IKZF4: variants seen among roughly 807,000 people sequenced by gnomAD.
The protein encoded by IKZF4 is zinc finger protein Eos.
IKZF4 carries 11 observed loss-of-function variants against 47.7 expected under a neutral mutation model. The observed-to-expected ratio is 0.23, with a 90% CI of 0.15 to 0.38. The LOEUF (loss-of-function observed/expected upper bound fraction) is 0.38, where lower values mean the gene tolerates loss of function less well. Ranked by LOEUF, IKZF4 falls within the 10% of genes least tolerant of loss-of-function variation. IKZF4 has a pLI of 1.00. For synonymous variants in IKZF4, 298 were observed against 299.4 expected (o/e 1.00, Z 0.05); for missense variants, 557 against 784.9 (o/e 0.71, Z 3.47).
chr12:56,009,241 C>T (rs368988053), intron 1 of IKZF4, among the ~76,000 whole-genome samples: 1 of 152,138 alleles, frequency 6.6e-6, no homozygotes, highest in African/African-American at 2.4e-5. Context: ...CTCACTTTGC[C>T]TGGGTGAAGA....
rs905554114 is a variant in IKZF4, at chr12:56,026,776, C to G, written c.287-5C>G. ...CTCTATTCTAAACACCATCCCACCC[C>G]TCAGCCAACTCCATCAAGGTGGAGA... On this transcript the variant is annotated splice_polypyrimidine_tract_variant and splice_region_variant and intron_variant, in intron 3 of 7. Coordinates refer to ENST00000547167, the MANE Select transcript of IKZF4 (RefSeq NM_022465.4). 1.9e-6 allele frequency: 3 copies of G among 1,557,614 alleles called. No individual in the cohort carries two copies. Among genetic ancestry groups the G allele is most frequent in the East Asian group, 2.4e-5 (1 of 42,524 alleles).
Position 56,035,382 on chromosome 12 carries a change from CATTG to C in IKZF4, c.*54_*57del. The C allele has an allele frequency of 6.5e-7, 1 of 1,549,224 alleles. No homozygotes were observed. ...ACCACTCCACTGCCCTGACTACAGG[CATTG>C]ATCCCTGTCCCCACCATTTCCCAAG... On this transcript the variant is annotated 3_prime_UTR_variant, in exon 8 of 8. Transcript: ENST00000547167. The surrounding 1 kb of genome is among the most constrained non-coding windows in gnomAD (Gnocchi z 6.1).
chr12:56,031,581 G>A (rs1297112558), intron 5 of IKZF4, among the ~76,000 whole-genome samples: 7 of 152,158 alleles, frequency 4.6e-5, no homozygotes, highest in Non-Finnish European at 7.4e-5. Context: ...GGCATGGCAA[G>A]GTTAGGGGTG....
upstream of IKZF4, among the ~76,000 whole-genome samples, chr12:56,018,872 CAG>C (rs1892476384): frequency 6.7e-6 from 1 of 150,094 alleles, no homozygotes; most frequent in Non-Finnish European, 1.5e-5. Flanking sequence ...CACCTGAGGT[CAG>C]GAGTTCGAGA....
chr12:56,020,104 G>A (rs559141709), upstream of IKZF4, among the ~76,000 whole-genome samples: 59 of 152,358 alleles, frequency 3.9e-4, no homozygotes, highest in East Asian at 9.6e-4. Context: ...CAGCCCTCCC[G>A]AAGCACACTG....
At position 56,021,386 on chromosome 12, in the gene IKZF4, C is replaced by T. The variant is rs1303535056; in HGVS notation, c.-108C>T. Reference sequence around the variant, plus strand: ...AGCCGTGGGCCTCTGCTCACCGTGCCGCTGCTGCTGCCTGCGAAATGACGG... The same window carrying T: ...AGCCGTGGGCCTCTGCTCACCGTGCTGCTGCTGCTGCCTGCGAAATGACGG... On this transcript the variant is annotated 5_prime_UTR_variant, in exon 1 of 8. Coordinates refer to ENST00000547167, the MANE Select transcript of IKZF4 (RefSeq NM_022465.4). 3.9e-6 allele frequency: 6 copies of T among 1,549,208 alleles called. No homozygotes were observed. The highest frequency in any genetic ancestry group is 3.6e-5 in the South Asian group (3 of 84,012).
chr12:56,034,463 G>A (rs1260098832), intron 7 of IKZF4, 108 bp from the exon 8 acceptor site: 10 of 1,171,386 alleles, frequency 8.5e-6, no homozygotes, highest in Non-Finnish European at 1.1e-5. Flanking sequence ...ATGCCACGTA[G>A]TAAATAATGT....
chr12:56,025,807 C>T (rs77957821), intron 3 of IKZF4, among the ~76,000 whole-genome samples: 5 of 152,106 alleles, frequency 3.3e-5, no homozygotes, highest in Non-Finnish European at 5.9e-5. Flanking sequence ...TCTGTTTTCC[C>T]GCCACTGTTA....
chr12:56,037,104 G>A lies in IKZF4; in HGVS notation c.*1773G>A, dbSNP rs1257412951. ...GGGGGGATGGTAAAGGGTGGGCTAA[G>A]GAACAGACCCTGGGATTAGGGCCTT... is the stretch of plus-strand genomic sequence containing the variant. On this transcript the variant is annotated 3_prime_UTR_variant, in exon 8 of 8. Transcript: ENST00000547167. 1.3e-5 allele frequency: 2 copies of A among 152,104 alleles called. No homozygotes were observed. Among genetic ancestry groups the A allele is most frequent in the Non-Finnish European group, 2.9e-5 (2 of 68,020 alleles). The allele number at this position is 152,104 out of a possible 1,614,324, so 9.4% of individuals were successfully genotyped here. A position where few individuals can be genotyped will look rare whatever the true frequency, so the allele number is the denominator to read the frequency against.
upstream of IKZF4, among the ~76,000 whole-genome samples, chr12:56,020,688 G>C (rs755922780): frequency 3.3e-5 from 5 of 152,280 alleles, no homozygotes; most frequent in East Asian, 1.9e-4. Flanking sequence ...GCACAGGAAG[G>C]GGGGGAAATG....
chr12:56,021,688 CTGTGTGTG>C (rs67296911), intron 1 of IKZF4, 108 bp downstream of exon 1: 529 of 658,652 alleles, frequency 8.0e-4, no homozygotes, highest in Middle Eastern at 2.7e-3. Flanking sequence ...AGGATGGGGG[CTGTGTGTG>C]TGTGTGTGTG....
chr12:56,022,357 G>T (rs1893163660), intron 1 of IKZF4, among the ~76,000 whole-genome samples: 1 of 152,180 alleles, frequency 6.6e-6, no homozygotes, highest in African/African-American at 2.4e-5. Context: ...ATTTGGCTTT[G>T]CCCTCTGGGG....
chr12:56,031,149 G>A (rs1241323141), intron 5 of IKZF4, among the ~76,000 whole-genome samples: 1 of 152,094 alleles, frequency 6.6e-6, no homozygotes, highest in Non-Finnish European at 1.5e-5. Context: ...CTACTGGGAG[G>A]CTGAGGCAGG....
intron 5 of IKZF4, among the ~76,000 whole-genome samples, chr12:56,030,290 T>C (rs1179157764): frequency 2.0e-5 from 3 of 149,910 alleles, no homozygotes; most frequent in African/African-American, 7.4e-5. Flanking sequence ...AAAAACTAGG[T>C]GTGGTGGCAC....
chr12:56,022,308 C>T (rs1893152880), intron 1 of IKZF4, among the ~76,000 whole-genome samples: 1 of 152,192 alleles, frequency 6.6e-6, no homozygotes, highest in Non-Finnish European at 1.5e-5. Flanking sequence ...GCTTTTCAGC[C>T]TTTACCTACC....
In IKZF4 at chr12:56,021,274, C is replaced by CCT. The variant is rs748445477; in HGVS notation, c.-200_-199dup. 119 of 1,308,830 alleles carry CCT rather than the reference C, an allele frequency of 9.1e-5. No individual in the cohort carries two copies. Among genetic ancestry groups the CCT allele is most frequent in the African/African-American group, 4.9e-4 (26 of 53,378 alleles). 81.1% of individuals were successfully genotyped at this position (1,308,830 alleles called of 1,614,324 possible). ...GCGTGCTCTCCCCTCTCCTTCTCTC[C>CCT]CTCTCTCTCTCTCTCTCTCTCACAC... On this transcript the variant is annotated 5_prime_UTR_variant, in exon 1 of 8. Transcript: ENST00000547167.
intron 1 of IKZF4, 110 bp downstream of exon 1, chr12:56,021,690 GT>G (rs2136626321): frequency 5.2e-6 from 2 of 381,778 alleles, no homozygotes. Context: ...GATGGGGGCT[GT>G]GTGTGTGTGT....
At chr12:56,028,855 C>A (rs1055673908) in intron 5 of IKZF4, among the ~76,000 whole-genome samples, 1 of 151,878 alleles carries the variant, frequency 6.6e-6, no homozygotes, top group African/African-American at 2.4e-5. Flanking sequence ...GGATTACAGG[C>A]GTGGTGTCAG....
At chr12:56,028,005 G>C in intron 5 of IKZF4, 58 bp downstream of exon 5, 1 of 1,471,256 alleles carries the variant, frequency 6.8e-7, no homozygotes, top group South Asian at 1.4e-5. Context: ...AGTATGTAGA[G>C]CTCAGTGACT....
Sources: allele counts gnomAD v4.1 joint callset (sites outside exome capture counted in the v4.1 genomes callset), GRCh38; gene constraint gnomAD v4.1.1; non-coding constraint Gnocchi (gnomAD v3.1); transcripts MANE v1.5; gene names NCBI Gene and HGNC (gene_info 2026-07-23, HGNC 2026-07-21).